The following RIMBP2 variants were observed in gnomAD, a reference collection of about 807,000 sequenced individuals.
RIMBP2 encodes the protein RIMS-binding protein 2.
A neutral mutation model predicts 118.6 loss-of-function variants in RIMBP2; 48 were observed. The ratio of observed to expected loss-of-function variants is 0.40; its 90% CI spans 0.32 to 0.51. RIMBP2 has a LOEUF of 0.51. Among genes scored for constraint, RIMBP2 ranks in the 20% least tolerant of loss-of-function variants. The pLI is 0.41. For synonymous variants in RIMBP2, 762 were observed against 742.9 expected (o/e 1.03, Z -0.42); for missense variants, 1,551 against 1,768.3 (o/e 0.88, Z 2.20).
At chr12:130,510,916 G>T (rs1366148844) in intron 3 of RIMBP2, among the ~76,000 whole-genome samples, 1 of 152,114 alleles carries the variant, frequency 6.6e-6, no homozygotes, top group Non-Finnish European at 1.5e-5. Context: ...GAGGGTGTGT[G>T]GACAAGGAGG....
intron 2 of RIMBP2, among the ~76,000 whole-genome samples, chr12:130,554,833 A>C (rs1273101050): frequency 6.6e-6 from 1 of 152,232 alleles, no homozygotes; most frequent in East Asian, 1.9e-4. Flanking sequence ...CACATTTTAT[A>C]AACATTAATT....
At chr12:130,462,376 C>T (rs1053115602) in intron 6 of RIMBP2, among the ~76,000 whole-genome samples, 2 of 152,172 alleles carry the variant, frequency 1.3e-5, no homozygotes, top group Admixed American at 6.5e-5. Context: ...AGGAAGGCCG[C>T]GCTGCCGCAA....
chr12:130,449,806 G>A (rs890974680), intron 9 of RIMBP2, among the ~76,000 whole-genome samples: 1 of 152,068 alleles, frequency 6.6e-6, no homozygotes, highest in Non-Finnish European at 1.5e-5. Flanking sequence ...ATGGAGGATG[G>A]AGGCAGAGAC....
Position 130,574,248 on chromosome 12 carries a change from C to T in RIMBP2, c.-217+54074G>A, listed in dbSNP as rs150638651. Among the ~76,000 whole-genome samples, 1,034 of 152,098 alleles carry T rather than the reference C, an allele frequency of 6.8e-3. 19 individuals are homozygous for T. Among genetic ancestry groups the T allele is most frequent in the African/African-American group, 0.024 (988 of 41,528 alleles). On this transcript the variant is annotated intron_variant, in intron 2 of 22. Coordinates refer to ENST00000690449, the MANE Select transcript of RIMBP2 (RefSeq NM_001393629.1). ...ATGCAAGATGCAGCATTTTGAGAAA[C>T]AGCAGCAGCTGTCCTGTTGGGGGGG...
chr12:130,423,289 C>T (rs1395426328), intron 16 of RIMBP2, among the ~76,000 whole-genome samples: 2 of 152,186 alleles, frequency 1.3e-5, no homozygotes, highest in Non-Finnish European at 2.9e-5. Flanking sequence ...GTGTCTGCTG[C>T]AGAACCTGTG....
At chr12:130,574,271 G>C (rs1242594925) in intron 2 of RIMBP2, among the ~76,000 whole-genome samples, 1 of 152,092 alleles carries the variant, frequency 6.6e-6, no homozygotes, top group African/African-American at 2.4e-5. Context: ...CCTGTTGGGG[G>C]GGTGGCGGTG....
At chr12:130,510,863 C>A (rs2050843316) in intron 3 of RIMBP2, among the ~76,000 whole-genome samples, 1 of 152,002 alleles carries the variant, frequency 6.6e-6, no homozygotes, top group Non-Finnish European at 1.5e-5. Context: ...TTTTTGTTTA[C>A]CAGAATGATG....
chr12:130,603,707 C>A (rs1246431921), intron 2 of RIMBP2, among the ~76,000 whole-genome samples: 31 of 152,132 alleles, frequency 2.0e-4, no homozygotes, highest in Admixed American at 2.0e-3. Flanking sequence ...CGCTGTAGCC[C>A]TATAGCCCGG....
intron 1 of RIMBP2, among the ~76,000 whole-genome samples, chr12:130,709,079 G>A (rs979878300): frequency 2.2e-4 from 34 of 152,386 alleles, no homozygotes; most frequent in African/African-American, 7.2e-5. Flanking sequence ...GCAACGTGCC[G>A]GCAACAGCAG....
At chr12:130,443,182 C>CAATG (rs1294060558) in intron 10 of RIMBP2, among the ~76,000 whole-genome samples, 1 of 149,376 alleles carries the variant, frequency 6.7e-6, no homozygotes, top group African/African-American at 2.5e-5. Flanking sequence ...AATGAATGCA[C>CAATG]AATGTGTCCA....
intron 2 of RIMBP2, among the ~76,000 whole-genome samples, chr12:130,601,788 T>C (rs1385267543): frequency 6.6e-6 from 1 of 152,254 alleles, no homozygotes; most frequent in African/African-American, 2.4e-5. Flanking sequence ...GGAAAGACAC[T>C]GCTTGGAGGA....
At chr12:130,695,709 A>G (rs2065533210) in intron 1 of RIMBP2, among the ~76,000 whole-genome samples, 2 of 152,132 alleles carry the variant, frequency 1.3e-5, no homozygotes, top group African/African-American at 4.8e-5. Context: ...CCGACCATTG[A>G]TCAATAAGAC....
rs1388173469 is a variant in RIMBP2, at chr12:130,713,589, CA to C, written c.-352+2632del. Among the ~76,000 whole-genome samples the C allele has an allele frequency of 2.6e-5, 4 of 152,352 alleles. No individual in the cohort carries two copies. The South Asian group carries it at 6.2e-4, about 24-fold the overall frequency. On this transcript the variant is annotated intron_variant, in intron 1 of 22. Transcript: ENST00000690449. The stretch of plus-strand genomic sequence containing the variant: ...GGAATCAGCAGCTCTGCTTGATCAA[CA>C]AGAGACCAGCACAGCCGATCCGGTT...
rs2078929046 is a variant in RIMBP2 at position 130,450,695 on chromosome 12, C to A, written c.505-419G>T. On this transcript the variant is annotated intron_variant, in intron 8 of 22. Transcript: ENST00000690449. The surrounding 1 kb of genome is among the most constrained non-coding windows in gnomAD (Gnocchi z 4.8). ...CATTCCCCACACAAGCTGGAACAGTCTTTAAGCAGGAATTAGACCACATCA... is the reference window on the plus strand; with the variant it reads ...CATTCCCCACACAAGCTGGAACAGTATTTAAGCAGGAATTAGACCACATCA... Among the ~76,000 whole-genome samples, 1 of 151,272 alleles carries A rather than the reference C, an allele frequency of 6.6e-6. No individual in the cohort carries two copies. Among genetic ancestry groups the A allele is most frequent in the African/African-American group, 2.4e-5 (1 of 41,088 alleles).
rs2060465060 is a variant in RIMBP2, at chr12:130,610,550, G to GC, written c.-217+17771dup. ...TGTGACTCATCAAAGTAATTTTCCT[G>GC]CTTTTTTTTTTTTTTTTTTTTTTTT... On this transcript the variant is annotated intron_variant, in intron 2 of 22. Coordinates refer to ENST00000690449, the MANE Select transcript of RIMBP2 (RefSeq NM_001393629.1). Among the ~76,000 whole-genome samples, 3 of 96,116 alleles carry GC rather than the reference G, an allele frequency of 3.1e-5. No homozygotes were observed. In the East Asian group the frequency reaches 1.0e-3, roughly 32 times the overall value. 63.1% of individuals were successfully genotyped at this position (96,116 alleles called of 152,430 possible).
rs369469917 is a variant in RIMBP2 at position 130,460,964 on chromosome 12, AC to A, written c.154-4265del. Among the ~76,000 whole-genome samples the A allele has an allele frequency of 6.0e-3, 906 of 152,006 alleles. 7 individuals are homozygous for A. The highest frequency in any genetic ancestry group is 0.021 in the African/African-American group (854 of 41,438). On this transcript the variant is annotated intron_variant, in intron 6 of 22. Transcript: ENST00000690449. ...TCACTCCCTTCTTGAAGCCTGAGAA[AC>A]GCCCCCAGGCTCCCAGCTGTCACCT...
In RIMBP2 at chr12:130,436,969, A is replaced by G. The variant is rs1486210008; in HGVS notation, c.1979T>C (p.Val660Ala). The change falls in exon 13 of 23, where the codon GTG (valine) becomes GCG (alanine). Residue 660 changes from valine (V) to alanine (A), a missense_variant. By Grantham distance (64) the Val-to-Ala change is moderately conservative. Coordinates refer to ENST00000690449, the MANE Select transcript of RIMBP2 (RefSeq NM_001393629.1). ...TGAGGGCGACCGCCTTCCGGGGCCC[A>G]CGGGCGGCTCCAGCATGTGCCCATG... ...PVHGHMLEPP[V>A]GPGRRSPSPS... 6 of 1,608,416 alleles carry G rather than the reference A, an allele frequency of 3.7e-6. No homozygotes were observed. In the African/African-American group the frequency reaches 5.3e-5, roughly 14 times the overall value.
At chr12:130,696,661 A>C (rs971206244) in intron 1 of RIMBP2, among the ~76,000 whole-genome samples, 1 of 152,244 alleles carries the variant, frequency 6.6e-6, no homozygotes, top group Admixed American at 6.5e-5. Flanking sequence ...GATTAGCAAG[A>C]ATTAGAAATA....
At position 130,480,753 on chromosome 12, in the gene RIMBP2, A is replaced by G. The variant is rs543936518; in HGVS notation, c.-3-1737T>C. Among the ~76,000 whole-genome samples the G allele has an allele frequency of 8.3e-4, 126 of 152,140 alleles. 1 individual carries two copies. Among genetic ancestry groups the G allele is most frequent in the African/African-American group, 2.7e-3 (112 of 41,526 alleles). On this transcript the variant is annotated intron_variant, in intron 4 of 22. Transcript: ENST00000690449. ...GTAGCTGGGATTACAGGTGCCCACC[A>G]CCATGCTGGGCTAATTTTTGTATTT...
Sources: gnomAD v4.1 joint callset for allele counts (sites outside exome capture counted in the v4.1 genomes callset) on GRCh38, gnomAD v4.1.1 for gene constraint, Gnocchi (gnomAD v3.1) non-coding constraint, MANE v1.5 for transcripts, NCBI Gene and HGNC (gene_info 2026-07-23, HGNC 2026-07-21) for gene names.